RBFOX1: variants seen among roughly 807,000 people sequenced by gnomAD.
The protein encoded by RBFOX1 is RNA binding fox-1 homolog 1.
Under a neutral mutation model 57.7 loss-of-function variants are expected in RBFOX1, and 8 were observed. The ratio of observed to expected loss-of-function variants is 0.14; its 90% CI spans 0.08 to 0.25. RBFOX1 has a LOEUF of 0.25. RBFOX1 is among the 10% of genes least tolerant of loss of function. RBFOX1 has a pLI of 1.00. For missense variants in RBFOX1, 611 were observed against 548.5 expected (o/e 1.11, Z -1.14); for synonymous variants, 326 against 222.4 (o/e 1.47, Z -4.15).
intron 1 of RBFOX1, among the ~76,000 whole-genome samples, chr16:5,318,990 G>T (rs959659268): frequency 6.6e-6 from 1 of 152,168 alleles, no homozygotes; most frequent in African/African-American, 2.4e-5. Context: ...AGCTGGGCAT[G>T]GTGGCGTGCG....
At chr16:7,362,569 A>T (rs1253841178) in intron 4 of RBFOX1, among the ~76,000 whole-genome samples, 1 of 150,932 alleles carries the variant, frequency 6.6e-6, no homozygotes, top group Non-Finnish European at 1.5e-5. Context: ...TTTTGTTTGC[A>T]TGTTAGTGTG....
chr16:6,375,698 G>A (rs961190013), intron 2 of RBFOX1, among the ~76,000 whole-genome samples: 2 of 152,062 alleles, frequency 1.3e-5, no homozygotes, highest in African/African-American at 2.4e-5. Flanking sequence ...ATCTCACAGC[G>A]GACCGTTGAT....
chr16:5,917,680 C>T (rs1366709838), intron 4 of RBFOX1, among the ~76,000 whole-genome samples: 3 of 152,162 alleles, frequency 2.0e-5, no homozygotes, highest in East Asian at 1.9e-4. Context: ...CCAGTCCATG[C>T]CGCCATCCAC....
intron 3 of RBFOX1, among the ~76,000 whole-genome samples, chr16:5,757,547 T>C (rs1377104875): frequency 6.6e-6 from 1 of 152,128 alleles, no homozygotes; most frequent in East Asian, 1.9e-4. Flanking sequence ...AAGCTTTTAA[T>C]AGGCCAGCCT....
At chr16:6,901,994 A>C (rs1007488294) in intron 3 of RBFOX1, among the ~76,000 whole-genome samples, 2 of 152,182 alleles carry the variant, frequency 1.3e-5, no homozygotes, top group Non-Finnish European at 2.9e-5. Context: ...GTTTATCAGA[A>C]CTTTGCCTGA....
At chr16:5,739,510 T>G (rs1460803070) in intron 3 of RBFOX1, among the ~76,000 whole-genome samples, 1 of 152,248 alleles carries the variant, frequency 6.6e-6, no homozygotes, top group Non-Finnish European at 1.5e-5. Flanking sequence ...AGTACTTGTG[T>G]GCATGGGGTC....
chr16:6,041,047 C>T (rs1166151065), intron 1 of RBFOX1, among the ~76,000 whole-genome samples: 2 of 152,122 alleles, frequency 1.3e-5, no homozygotes, highest in Non-Finnish European at 2.9e-5. Context: ...ACCCATCCAC[C>T]ATTACAATAT....
intron 3 of RBFOX1, among the ~76,000 whole-genome samples, chr16:7,031,181 C>T (rs1170568783): frequency 2.0e-5 from 3 of 152,136 alleles, no homozygotes; most frequent in Non-Finnish European, 4.4e-5. Flanking sequence ...TCAGCAATGC[C>T]TTACAGTTAA....
At chr16:5,702,923 G>T (rs562731585) in intron 3 of RBFOX1, among the ~76,000 whole-genome samples, 5 of 152,306 alleles carry the variant, frequency 3.3e-5, no homozygotes, top group African/African-American at 1.2e-4. Context: ...TATTGTATCT[G>T]TTACTATGTG....
intron 1 of RBFOX1, among the ~76,000 whole-genome samples, chr16:6,084,451 C>A (rs929492227): frequency 2.0e-5 from 3 of 152,086 alleles, no homozygotes; most frequent in Admixed American, 6.5e-5. Flanking sequence ...ACCATGTTGC[C>A]CAGGCTGATC....
In RBFOX1 at chr16:7,286,448, A is replaced by ATT. The variant is rs940492155; in HGVS notation, c.28-231681_28-231680dup. Among the ~76,000 whole-genome samples, 928 of 121,866 alleles carry ATT rather than the reference A, an allele frequency of 7.6e-3. 10 individuals carry two copies. The highest frequency in any genetic ancestry group is 0.011 in the Non-Finnish European group (636 of 58,776). 79.9% of individuals were successfully genotyped at this position (121,866 alleles called of 152,430 possible). The stretch of plus-strand genomic sequence containing the variant: ...GGGTTTCATACTTTGATACTTTCTT[A>ATT]TTTTTTTTTTTTTTTTTTTGAGATG... On this transcript the variant is annotated intron_variant, in intron 4 of 15. Coordinates refer to ENST00000550418, the MANE Select transcript of RBFOX1 (RefSeq NM_018723.4).
At chr16:5,679,770 C>T (rs1470887406) in intron 3 of RBFOX1, among the ~76,000 whole-genome samples, 3 of 152,184 alleles carry the variant, frequency 2.0e-5, no homozygotes, top group Non-Finnish European at 4.4e-5. Context: ...GACTCTACCA[C>T]ACGTTTTCTG....
At chr16:5,929,764 A>G (rs2059010996) in intron 4 of RBFOX1, among the ~76,000 whole-genome samples, 1 of 152,132 alleles carries the variant, frequency 6.6e-6, no homozygotes, top group South Asian at 2.1e-4. Flanking sequence ...ATACCTAGTC[A>G]CTTGCTGTGT....
intron 3 of RBFOX1, among the ~76,000 whole-genome samples, chr16:5,716,904 C>T (rs1464920087): frequency 6.6e-6 from 1 of 152,174 alleles, no homozygotes; most frequent in African/African-American, 2.4e-5. Context: ...TCCCTGGTCA[C>T]CTGCCTCCCA....
At chr16:7,558,123 G>A (rs2089268080) in intron 5 of RBFOX1, among the ~76,000 whole-genome samples, 1 of 152,116 alleles carries the variant, frequency 6.6e-6, no homozygotes, top group African/African-American at 2.4e-5. Flanking sequence ...GGGGGGCCGA[G>A]GTGGTAGATC....
intron 2 of RBFOX1, among the ~76,000 whole-genome samples, chr16:6,395,375 C>A (rs17140128): frequency 0.011 from 1,661 of 152,258 alleles, 38 homozygotes; most frequent in African/African-American, 0.038. Flanking sequence ...AGTCTTTTAT[C>A]CATGCATTTT....
intron 4 of RBFOX1, among the ~76,000 whole-genome samples, chr16:5,871,430 G>T (rs192884587): frequency 1.1e-3 from 171 of 152,312 alleles, no homozygotes; most frequent in African/African-American, 3.9e-3. Flanking sequence ...AATTGGCCCT[G>T]CATGGTTCCA....
intron 3 of RBFOX1, among the ~76,000 whole-genome samples, chr16:6,931,317 C>CTATG (rs1567941510): frequency 7.8e-6 from 1 of 128,450 alleles, no homozygotes; most frequent in Non-Finnish European, 1.6e-5. Flanking sequence ...ATCTATCTAT[C>CTATG]TATCTATCTA....
In RBFOX1 at chr16:7,160,193, C is replaced by CT. The variant is rs778852717; in HGVS notation, c.27+108108dup. ...TTTCCAAACTTCATATGACTTTTGA[C>CT]TTTTTTTTTTTTTAATAAAGTACAG... On this transcript the variant is annotated intron_variant, in intron 4 of 15. Coordinates refer to ENST00000550418, the MANE Select transcript of RBFOX1 (RefSeq NM_018723.4). Among the ~76,000 whole-genome samples the CT allele has an allele frequency of 4.7e-3, 674 of 142,732 alleles. 4 individuals carry two copies. The highest frequency in any genetic ancestry group is 0.014 in the African/African-American group (529 of 39,076). 93.6% of individuals were successfully genotyped at this position (142,732 alleles called of 152,430 possible).
Sources: gnomAD v4.1 joint callset for allele counts (sites outside exome capture counted in the v4.1 genomes callset) on GRCh38, gnomAD v4.1.1 for gene constraint, MANE v1.5 for transcripts, NCBI Gene and HGNC (gene_info 2026-07-23, HGNC 2026-07-21) for gene names.